The following BAG5 variants were observed in gnomAD, a reference collection of about 807,000 sequenced individuals.
The protein encoded by BAG5 is BAG family molecular chaperone regulator 5.
In BAG5, 25 loss-of-function variants were observed where a neutral mutation model predicts 31.8. The ratio of observed to expected loss-of-function variants is 0.79; its 90% CI spans 0.57 to 1.10. BAG5 has a LOEUF of 1.10. Among genes scored for constraint, BAG5 ranks in the 50% least tolerant of loss-of-function variants. The pLI, the probability that BAG5 is intolerant of heterozygous loss-of-function variation, is 0.00. For synonymous variants in BAG5, 208 were observed against 205.0 expected, an observed-to-expected ratio of 1.01 and a Z score of -0.13; for missense variants, 491 against 527.9, an observed-to-expected ratio of 0.93 and a Z score of 0.68.
In BAG5 at chr14:103,556,729, C is replaced by T. The variant is rs1013659776; in HGVS notation, c.*3092G>A. 3 of 151,684 alleles carry T rather than the reference C, an allele frequency of 2.0e-5. No individual in the cohort carries two copies. The highest frequency in any genetic ancestry group is 2.9e-5 in the Non-Finnish European group (2 of 67,960). 9.4% of individuals were successfully genotyped at this position (151,684 alleles called of 1,614,324 possible). On this transcript the variant is annotated 3_prime_UTR_variant, in exon 2 of 2. Coordinates refer to ENST00000299204, the MANE Select transcript of BAG5 (RefSeq NM_001015048.3). ...ACACACTTGTATTATATGTAAAAAT[C>T]GATGGCCAATATTTCTCTTATTAAG...
intron 1 of BAG5, chr14:103,561,965 T>C (rs775661661): frequency 9.3e-6 from 15 of 1,614,072 alleles, no homozygotes; most frequent in Non-Finnish European, 1.2e-5. Context: ...TCTTGGTTTC[T>C]ATCAAACGGC....
chr14:103,560,324 T>C lies in BAG5; in HGVS notation c.841A>G (p.Lys281Glu). Reference sequence around the variant, plus strand: ...ATTTCTCTCATTCTCTTGAGGACCTTTTCTATTTTTAAAATGGAATGATTC... The same window carrying C: ...ATTTCTCTCATTCTCTTGAGGACCTCTTCTATTTTTAAAATGGAATGATTC... ...RQNHSILKIEKVLKRMREIKN... is the reference protein window; with the variant it reads ...RQNHSILKIEEVLKRMREIKN... The change falls in exon 2 of 2, where the codon AAG (lysine) becomes GAG (glutamate). Residue 281 changes from lysine (K) to glutamate (E), a missense_variant. By Grantham distance (56) the Lys-to-Glu change is moderately conservative (BLOSUM62 1). Transcript: ENST00000299204. 6.2e-7 allele frequency: 1 copy of C among 1,614,098 alleles called. No homozygotes were observed. The highest frequency in any genetic ancestry group is 2.2e-5 in the East Asian group (1 of 44,888).
In BAG5 at chr14:103,560,258, A is replaced by C. The variant is rs1208266409; in HGVS notation, c.907T>G (p.Tyr303Asp). The C allele has an allele frequency of 6.2e-7, 1 of 1,614,150 alleles. No individual in the cohort carries two copies. The highest frequency in any genetic ancestry group is 1.1e-5 in the South Asian group (1 of 91,076). ...TGCAATTCTGTTTTGGAGCTCAGGT[A>C]CAATTCAGAAGGGTTTTGTGCTTGG... ...LLQAQNPSELYLSSKTELQGL... is the reference protein window; with the variant it reads ...LLQAQNPSELDLSSKTELQGL... The change falls in exon 2 of 2, where the codon TAC (tyrosine) becomes GAC (aspartate). Residue 303 changes from tyrosine (Y) to aspartate (D), a missense_variant. Transcript: ENST00000299204.
intron 1 of BAG5, 33 bp downstream of exon 1, chr14:103,562,583 G>A (rs1396489788): frequency 6.1e-6 from 1 of 164,928 alleles, no homozygotes; most frequent in Admixed American, 6.4e-5. Flanking sequence ...CCCCCCGAGA[G>A]AGGGAAAAGG....
rs1282337827 is a variant in BAG5, at chr14:103,560,429, C to T, written c.736G>A (p.Val246Ile). The change falls in exon 2 of 2, where the codon GTA becomes ATA. Residue 246 changes from valine (V) to isoleucine (I), a missense_variant. Val to Ile is a conservative substitution (Grantham distance 29). Coordinates refer to ENST00000299204, the MANE Select transcript of BAG5 (RefSeq NM_001015048.3). ...TEIRNYRREV[V>I]EDINKLLKYL... ...TTCAATAATTTGTTGATATCTTCTA[C>T]TACCTCCCTCCGATAATTTCTGATT... 1.2e-6 allele frequency: 2 copies of T among 1,614,150 alleles called. No individual in the cohort carries two copies. Among genetic ancestry groups the T allele is most frequent in the Non-Finnish European group, 1.7e-6 (2 of 1,180,034 alleles).
At chr14:103,562,401 C>T (rs887270934) in intron 1 of BAG5, 5 of 259,580 alleles carry the variant, frequency 1.9e-5, no homozygotes, top group African/African-American at 9.4e-5. Flanking sequence ...CGAGGCCCGG[C>T]CGGAGACACC....
rs140487109 is a variant in BAG5, at chr14:103,557,278, C to G, written c.*2543G>C. 2 of 152,320 alleles carry G rather than the reference C, an allele frequency of 1.3e-5. No homozygotes were observed. The highest frequency in any genetic ancestry group is 1.3e-4 in the Admixed American group (2 of 15,306). 9.4% of individuals were successfully genotyped at this position (152,320 alleles called of 1,614,324 possible). A position where few individuals can be genotyped will look rare whatever the true frequency, so the allele number is the denominator to read the frequency against. The stretch of plus-strand genomic sequence containing the variant: ...TCATATTAACACAAACAGCTCCCCA[C>G]GAAGGCCGACAAGAGCTAAATCCGG... On this transcript the variant is annotated 3_prime_UTR_variant, in exon 2 of 2. Coordinates refer to ENST00000299204, the MANE Select transcript of BAG5 (RefSeq NM_001015048.3).
At chr14:103,562,361 G>A in intron 1 of BAG5, 3 of 280,950 alleles carry the variant, frequency 1.1e-5, no homozygotes, top group Non-Finnish European at 2.0e-5. Context: ...AGCTCGGCCC[G>A]GCCGGGGGAA....
At chr14:103,562,109 G>A in intron 1 of BAG5, 2 of 799,488 alleles carry the variant, frequency 2.5e-6, no homozygotes, top group Admixed American at 1.9e-5. Flanking sequence ...CCCAAAAGAA[G>A]TCTGAATTGG....
In BAG5 at chr14:103,557,781, T is replaced by G. The variant is rs940070952; in HGVS notation, c.*2040A>C. ...GGGCCGAGGCGGGCGGATCACGAGG[T>G]CAGGAGTTCGAGACCAGCCTGACCA... On this transcript the variant is annotated 3_prime_UTR_variant, in exon 2 of 2. Transcript: ENST00000299204. 6.6e-6 allele frequency: 1 copy of G among 151,916 alleles called. No homozygotes were observed. 9.4% of individuals were successfully genotyped at this position (151,916 alleles called of 1,614,324 possible).
intron 1 of BAG5, chr14:103,561,664 T>C: frequency 6.1e-6 from 3 of 490,738 alleles, no homozygotes; most frequent in East Asian, 3.4e-5. Context: ...TCCCCGCTTC[T>C]TCGTTTCTCT....
At position 103,560,258 on chromosome 14, in the gene BAG5, A is replaced by G. The variant is rs1208266409; in HGVS notation, c.907T>C (p.Tyr303His). ...LLQAQNPSELYLSSKTELQGL... is the reference protein window; with the variant it reads ...LLQAQNPSELHLSSKTELQGL... Reference sequence around the variant, plus strand: ...TGCAATTCTGTTTTGGAGCTCAGGTACAATTCAGAAGGGTTTTGTGCTTGG... The same window carrying G: ...TGCAATTCTGTTTTGGAGCTCAGGTGCAATTCAGAAGGGTTTTGTGCTTGG... The change falls in exon 2 of 2, where the codon TAC becomes CAC. Residue 303 changes from tyrosine to histidine, a missense_variant. Physicochemically the swap from Tyr to His is moderately conservative, Grantham distance 83. Coordinates refer to ENST00000299204, the MANE Select transcript of BAG5 (RefSeq NM_001015048.3). 2 of 1,614,032 alleles carry G rather than the reference A, an allele frequency of 1.2e-6. No individual in the cohort carries two copies. The highest frequency in any genetic ancestry group is 1.7e-6 in the Non-Finnish European group (2 of 1,180,034).
chr14:103,562,279 C>G (rs2142265611), intron 1 of BAG5: 2 of 444,302 alleles, frequency 4.5e-6, no homozygotes, highest in South Asian at 5.0e-5. Flanking sequence ...CTGCAGCAGC[C>G]GCTCCGGGCG....
At position 103,557,735 on chromosome 14, in the gene BAG5, C is replaced by T. The variant is rs2076046731; in HGVS notation, c.*2086G>A. 2 of 152,114 alleles carry T rather than the reference C, an allele frequency of 1.3e-5. No homozygotes were observed. Among genetic ancestry groups the T allele is most frequent in the South Asian group, 4.2e-4 (2 of 4,816 alleles). 9.4% of individuals were successfully genotyped at this position (152,114 alleles called of 1,614,324 possible). A position where few individuals can be genotyped will look rare whatever the true frequency, so the allele number is the denominator to read the frequency against. On this transcript the variant is annotated 3_prime_UTR_variant, in exon 2 of 2. Coordinates refer to ENST00000299204, the MANE Select transcript of BAG5 (RefSeq NM_001015048.3). Reference sequence around the variant, plus strand: ...TGGGCTGGGCGCCGTGGCTCACACCCGTTAATCCCAGCACTTTGGGGGGCC... The same window carrying T: ...TGGGCTGGGCGCCGTGGCTCACACCTGTTAATCCCAGCACTTTGGGGGGCC...
rs986889570 is a variant in BAG5, at chr14:103,558,950, T to C, written c.*871A>G. On this transcript the variant is annotated 3_prime_UTR_variant, in exon 2 of 2. Coordinates refer to ENST00000299204, the MANE Select transcript of BAG5 (RefSeq NM_001015048.3). ...ATTTAGTTTTAGTATAACCTGACAT[T>C]GGTAACCCGTCTCCAGTATTCATCC... 1.3e-5 allele frequency: 2 copies of C among 152,114 alleles called. No individual in the cohort carries two copies. The highest frequency in any genetic ancestry group is 4.8e-5 in the African/African-American group (2 of 41,416). The allele number at this position is 152,114 out of a possible 1,614,324, so 9.4% of individuals were successfully genotyped here.
chr14:103,559,768 A>C lies in BAG5; in HGVS notation c.*53T>G, dbSNP rs929110915. 1.3e-6 allele frequency: 2 copies of C among 1,562,528 alleles called. No homozygotes were observed. The highest frequency in any genetic ancestry group is 1.7e-6 in the Non-Finnish European group (2 of 1,153,908). ...TCAATGAACTGAAAGCTCTCTATAC[A>C]TAGAAGCACATATGAAGTGCAAAAC... On this transcript the variant is annotated 3_prime_UTR_variant, in exon 2 of 2. Transcript: ENST00000299204.
At chr14:103,562,555 A>C (rs539749786) in intron 1 of BAG5, 61 bp downstream of exon 1, 5 of 158,154 alleles carry the variant, frequency 3.2e-5, no homozygotes, top group African/African-American at 1.2e-4. Context: ...CCCCGCGCGG[A>C]GGTGGTGCCC....
chr14:103,560,480 C>G lies in BAG5; in HGVS notation c.685G>C (p.Ala229Pro), dbSNP rs909058318. The change falls in exon 2 of 2, where the codon GCT (alanine) becomes CCT (proline). Residue 229 changes from alanine (A) to proline (P), a missense_variant. Transcript: ENST00000299204. The part of the protein sequence containing the change: ...VLSGLIADLD[A>P]LDVCGRTEIR... ...TCTGTCCGGCCGCACACATCTAGAGCATCCAGGTCAGCGATCAGCCCCGAG... is the reference window on the plus strand; with the variant it reads ...TCTGTCCGGCCGCACACATCTAGAGGATCCAGGTCAGCGATCAGCCCCGAG... 1 of 1,614,134 alleles carries G rather than the reference C, an allele frequency of 6.2e-7. No individual in the cohort carries two copies. Among genetic ancestry groups the G allele is most frequent in the African/African-American group, 1.3e-5 (1 of 75,038 alleles).
At chr14:103,561,847 G>T in intron 1 of BAG5, 1 of 1,210,490 alleles carries the variant, frequency 8.3e-7, no homozygotes, top group Non-Finnish European at 1.2e-6. Flanking sequence ...CCCCCAACAT[G>T]CTCCACTCTC....
Sources: allele counts gnomAD v4.1 joint callset, GRCh38; gene constraint gnomAD v4.1.1; transcripts MANE v1.5; gene names NCBI Gene and HGNC (gene_info 2026-07-23, HGNC 2026-07-21).